SLC44A5: variants seen among roughly 807,000 people sequenced by gnomAD.
SLC44A5 encodes solute carrier family 44 member 5.
Under a neutral mutation model 101.8 loss-of-function variants are expected in SLC44A5, and 57 were observed. That is an observed-to-expected ratio of 0.56 (90% CI 0.45 to 0.70). The LOEUF (loss-of-function observed/expected upper bound fraction) is 0.70. Ranked by LOEUF, SLC44A5 falls within the 30% of genes least tolerant of loss-of-function variation. The pLI, the probability that SLC44A5 is intolerant of heterozygous loss-of-function variation, is 0.00. For missense variants in SLC44A5, 737 were observed against 853.1 expected (o/e 0.86, Z 1.70); for synonymous variants, 281 against 290.9 (o/e 0.97, Z 0.35).
intron 13 of SLC44A5, among the ~76,000 whole-genome samples, chr1:75,223,925 ATAAAG>A (rs1647142336): frequency 6.6e-6 from 1 of 152,218 alleles, no homozygotes; most frequent in Non-Finnish European, 1.5e-5. Flanking sequence ...GAATGAACCT[ATAAAG>A]ATAATACATG....
intron 2 of SLC44A5, among the ~76,000 whole-genome samples, chr1:75,457,212 AG>A (rs1407321255): frequency 2.0e-5 from 3 of 152,248 alleles, no homozygotes; most frequent in African/African-American, 4.8e-5. Flanking sequence ...TTTTAAAGAA[AG>A]AAAAGCTTTA....
chr1:75,470,826 C>T (rs1667067328), intron 2 of SLC44A5, among the ~76,000 whole-genome samples: 1 of 152,092 alleles, frequency 6.6e-6, no homozygotes, highest in Non-Finnish European at 1.5e-5. Context: ...AATAAGAGTG[C>T]CATCCTGCCA....
At chr1:75,698,053 C>A in the SLC44A5 span, among the ~76,000 whole-genome samples, 1 of 152,200 alleles carries the variant, frequency 6.6e-6, no homozygotes, top group Non-Finnish European at 1.5e-5. Flanking sequence ...GATCAAACTG[C>A]AAGGTGGCAG....
At position 75,213,707 on chromosome 1, in the gene SLC44A5, G is replaced by C. The variant is rs1436683562; in HGVS notation, c.1960C>G (p.Leu654Val). ...ASLNYYWVPL[L>V]TVIFGSYLIA... is the part of the protein sequence containing the mutation. ...CTGACTCAGACACCAGCTCTTACCA[G>C]CAAAGGTACCCAGTAGTAATTTAAA... is the stretch of plus-strand genomic sequence containing the variant. The change falls in exon 22 of 24, where the codon CTG (leucine) becomes GTG (valine). Residue 654 changes from leucine (L) to valine (V), a missense_variant and splice_region_variant. By Grantham distance (32) the Leu-to-Val change is conservative. Around this residue, in one of 3 missense-constraint regions of SLC44A5, gnomAD observed 11 missense variants for 32.2 expected, o/e 0.34. Transcript: ENST00000370859. The C allele has an allele frequency of 3.1e-6, 5 of 1,605,342 alleles. No individual in the cohort carries two copies. The Admixed American group carries it at 5.0e-5, about 16-fold the overall frequency.
intron 1 of SLC44A5, among the ~76,000 whole-genome samples, chr1:75,576,490 AT>A (rs34086425): frequency 0.44 from 66,427 of 150,570 alleles, 16,211 homozygotes; most frequent in East Asian, 0.79. Context: ...ATTTTTTTGT[AT>A]TTTTTTTTAG....
the SLC44A5 span, among the ~76,000 whole-genome samples, chr1:75,706,027 A>G: frequency 1.3e-5 from 2 of 152,110 alleles, no homozygotes; most frequent in Non-Finnish European, 2.9e-5. Flanking sequence ...CTGCTACATT[A>G]ATAGCGGGAT....
the SLC44A5 span, among the ~76,000 whole-genome samples, chr1:75,687,950 T>G: frequency 6.6e-6 from 1 of 152,180 alleles, no homozygotes; most frequent in African/African-American, 2.4e-5. Flanking sequence ...CACTTTGACC[T>G]CAGTCAAAGT....
At position 75,512,828 on chromosome 1, in the gene SLC44A5, C is replaced by T. The variant is rs74731727; in HGVS notation, c.13+28607G>A. ...GAAAGAAATAGCTATGGAATCATATCCCATATTTACATTTCCCACAGATAT... is the reference window on the plus strand; with the variant it reads ...GAAAGAAATAGCTATGGAATCATATTCCATATTTACATTTCCCACAGATAT... On this transcript the variant is annotated intron_variant, in intron 2 of 23. Coordinates refer to ENST00000370859, the MANE Select transcript of SLC44A5 (RefSeq NM_001130058.2). 1.4e-4 allele frequency among the ~76,000 whole-genome samples: 22 copies of T among 152,272 alleles called. No individual in the cohort carries two copies. In the East Asian group the frequency reaches 4.2e-3, roughly 29 times the overall value.
Position 75,464,914 on chromosome 1 carries a change from C to T in SLC44A5, c.14-68293G>A, listed in dbSNP as rs893447676. 2.0e-5 allele frequency among the ~76,000 whole-genome samples: 3 copies of T among 151,320 alleles called. No homozygotes were observed. In the Admixed American group the frequency reaches 2.0e-4, roughly 10 times the overall value. ...TATTACAGCTAAAGAAAGAGAGAGG[C>T]CCCAGTACAATATACAATAATAGCT... On this transcript the variant is annotated intron_variant, in intron 2 of 23. Transcript: ENST00000370859.
chr1:75,544,244 G>A (rs1671521538), intron 1 of SLC44A5, among the ~76,000 whole-genome samples: 1 of 152,076 alleles, frequency 6.6e-6, no homozygotes, highest in Non-Finnish European at 1.5e-5. Flanking sequence ...CTTCCACCAT[G>A]TGATGCCTTC....
At chr1:75,305,043 C>T (rs1278309085) in intron 4 of SLC44A5, among the ~76,000 whole-genome samples, 1 of 152,188 alleles carries the variant, frequency 6.6e-6, no homozygotes, top group Non-Finnish European at 1.5e-5. Context: ...ACTATTGCTA[C>T]CTTATATCTA....
chr1:75,547,948 C>T (rs1056323539), intron 1 of SLC44A5, among the ~76,000 whole-genome samples: 1 of 152,064 alleles, frequency 6.6e-6, no homozygotes, highest in Non-Finnish European at 1.5e-5. Flanking sequence ...TTCCCAGAAC[C>T]CTCAGTTTTT....
At chr1:75,610,821 A>G (rs1675615059) in intron 1 of SLC44A5, among the ~76,000 whole-genome samples, 1 of 152,124 alleles carries the variant, frequency 6.6e-6, no homozygotes. Context: ...TGATGTAAAA[A>G]TACTACTCTC....
chr1:75,342,286 C>T (rs912796614), intron 3 of SLC44A5, among the ~76,000 whole-genome samples: 1 of 152,178 alleles, frequency 6.6e-6, no homozygotes, highest in Admixed American at 6.5e-5. Flanking sequence ...ACATGTAGGT[C>T]TGCCATCTTG....
chr1:75,519,863 G>A (rs1004179528), intron 2 of SLC44A5, among the ~76,000 whole-genome samples: 1 of 152,246 alleles, frequency 6.6e-6, no homozygotes, highest in African/African-American at 2.4e-5. Context: ...TCTTTGGATT[G>A]CTGAAAGCAA....
chr1:75,222,331 T>C (rs530548035), intron 14 of SLC44A5, 30 bp downstream of exon 14: 2 of 1,491,896 alleles, frequency 1.3e-6, no homozygotes, highest in Non-Finnish European at 9.4e-7. Flanking sequence ...CTGATACACT[T>C]TAGCTGAGTT....
chr1:75,571,142 C>T (rs1309725027), intron 1 of SLC44A5, among the ~76,000 whole-genome samples: 3 of 152,104 alleles, frequency 2.0e-5, no homozygotes, highest in Non-Finnish European at 2.9e-5. Context: ...AAATAATATT[C>T]TCAGAGACAT....
At chr1:75,419,180 G>C (rs1663843065) in intron 2 of SLC44A5, among the ~76,000 whole-genome samples, 1 of 151,976 alleles carries the variant, frequency 6.6e-6, no homozygotes, top group African/African-American at 2.4e-5. Context: ...CAGGAGAAGG[G>C]CAGAAAAATA....
intron 3 of SLC44A5, among the ~76,000 whole-genome samples, chr1:75,362,110 T>C (rs2101119658): frequency 6.6e-6 from 1 of 152,148 alleles, no homozygotes; most frequent in East Asian, 1.9e-4. Context: ...TTCATAGCAG[T>C]TTCTTATGAT....
Sources: gnomAD v4.1 joint callset for allele counts (sites outside exome capture counted in the v4.1 genomes callset) on GRCh38, gnomAD v4.1.1 for gene constraint, gnomAD v4.1.1 regional missense constraint, MANE v1.5 for transcripts, NCBI Gene and HGNC (gene_info 2026-07-23, HGNC 2026-07-21) for gene names.